Variants in CSPG4 observed in about 807,000 individuals in gnomAD.
CSPG4 encodes the protein chondroitin sulfate proteoglycan 4 (melanoma-associated).
Under a neutral mutation model 139.3 loss-of-function variants are expected in CSPG4, and 74 were observed. The observed-to-expected ratio is 0.53, with a 90% CI of 0.44 to 0.64. CSPG4 has a LOEUF of 0.64. Ranked by LOEUF, CSPG4 falls within the 30% of genes least tolerant of loss-of-function variation. CSPG4 has a pLI of 0.00. For synonymous variants in CSPG4, 1,234 were observed against 1,394.2 expected (o/e 0.89, Z 2.56); for missense variants, 2,565 against 3,148.3 (o/e 0.81, Z 4.43).
rs1048155895 is a variant in CSPG4, at chr15:75,704,525, G to GT, written c.88+8142dup. On this transcript the variant is annotated intron_variant, in intron 1 of 9. Coordinates refer to ENST00000308508, the MANE Select transcript of CSPG4 (RefSeq NM_001897.5). ...ACCTGGATTCCATTAAAACATGTGG[G>GT]TGGGGGGCCTGGCCGGGCCCTGTCC... 1.1e-4 allele frequency among the ~76,000 whole-genome samples: 17 copies of GT among 152,220 alleles called. 1 individual carries two copies. The highest frequency in any genetic ancestry group is 3.2e-3 in the Middle Eastern group (1 of 316).
chr15:75,709,572 T>C (rs1894418313), intron 1 of CSPG4, among the ~76,000 whole-genome samples: 1 of 152,188 alleles, frequency 6.6e-6, no homozygotes, highest in African/African-American at 2.4e-5. Flanking sequence ...AGCCACCTCG[T>C]CCAGGTCTGT....
chr15:75,712,887 C>G (rs966240407), upstream of CSPG4: 10 of 692,852 alleles, frequency 1.4e-5, no homozygotes, highest in African/African-American at 1.3e-4. Context: ...ACTCCGGGGG[C>G]GGGGCAGGCG....
At position 75,712,832 on chromosome 15, in the gene CSPG4, G is replaced by C. The variant is rs937950472; in HGVS notation, c.-77C>G. The C allele has an allele frequency of 9.3e-6, 12 of 1,292,512 alleles. No individual in the cohort carries two copies. The South Asian group carries it at 1.8e-4, about 20-fold the overall frequency. The allele number at this position is 1,292,512 out of a possible 1,614,324, so 80.1% of individuals were successfully genotyped here. ...CTGGGAGCTGAGTGGAGCGAGCGCG[G>C]CTCTGCTCCTGGGCGCGGGCCGGCT... On this transcript the variant is annotated 5_prime_UTR_variant, in exon 1 of 10. Coordinates refer to ENST00000308508, the MANE Select transcript of CSPG4 (RefSeq NM_001897.5).
chr15:75,684,113 G>A (rs1193822381), intron 5 of CSPG4, among the ~76,000 whole-genome samples: 1 of 151,792 alleles, frequency 6.6e-6, no homozygotes, highest in African/African-American at 2.4e-5. Flanking sequence ...CTGCTGACCG[G>A]GGAGGATGCA....
At chr15:75,699,927 C>G (rs2141436502) in intron 1 of CSPG4, among the ~76,000 whole-genome samples, 2 of 152,254 alleles carry the variant, frequency 1.3e-5, no homozygotes, top group Middle Eastern at 3.4e-3. Context: ...CCCTAGAGGA[C>G]CTGGGACCCT....
In CSPG4 at chr15:75,675,761, C is replaced by T; in HGVS notation, c.6758G>A (p.Gly2253Asp). ...AGTCAGGACCTGGACGTCATGCTTG[C>T]CCGTCTTGTTGCGTTTTCGGAGGTA... Reference protein sequence around the residue: ...LFYLRKRNKTGKHDVQVLTAK... With the variant: ...LFYLRKRNKTDKHDVQVLTAK... The change falls in exon 10 of 10, where the codon GGC becomes GAC. Residue 2253 changes from glycine to aspartate, a missense_variant. Coordinates refer to ENST00000308508, the MANE Select transcript of CSPG4 (RefSeq NM_001897.5). 1 of 1,611,954 alleles carries T rather than the reference C, an allele frequency of 6.2e-7. No homozygotes were observed.
chr15:75,690,679 A>G lies in CSPG4; in HGVS notation c.386T>C (p.Leu129Pro). 1 of 1,612,900 alleles carries G rather than the reference A, an allele frequency of 6.2e-7. No homozygotes were observed. The highest frequency in any genetic ancestry group is 8.5e-7 in the Non-Finnish European group (1 of 1,180,030). ...TCCTGGGACTGCTGAGGAGGCGTTCAGAAACCCATCGACTGACAACGTGGC... is the reference window on the plus strand; with the variant it reads ...TCCTGGGACTGCTGAGGAGGCGTTCGGAAACCCATCGACTGACAACGTGGC... ...GWATLSVDGF[L>P]NASSAVPGAP... Residue 129 changes from leucine (L) to proline (P), a missense_variant, in exon 3 of 10, where the codon CTG (leucine) becomes CCG (proline). By Grantham distance (98) the Leu-to-Pro change is moderately conservative. Transcript: ENST00000308508.
intron 8 of CSPG4, among the ~76,000 whole-genome samples, chr15:75,681,412 C>A (rs1211561271): frequency 6.6e-6 from 1 of 152,166 alleles, no homozygotes; most frequent in East Asian, 1.9e-4. Context: ...GCAGGGGGAC[C>A]CCTCAGGAGG....
chr15:75,693,612 G>A (rs1417536572), intron 1 of CSPG4, among the ~76,000 whole-genome samples: 1 of 152,226 alleles, frequency 6.6e-6, no homozygotes, highest in Non-Finnish European at 1.5e-5. Context: ...AAAGGGAACC[G>A]CAACTGGCCT....
chr15:75,690,281 C>T lies in CSPG4; in HGVS notation c.784G>A (p.Ala262Thr). 1 of 1,613,168 alleles carries T rather than the reference C, an allele frequency of 6.2e-7. No homozygotes were observed. Among genetic ancestry groups the T allele is most frequent in the Non-Finnish European group, 8.5e-7 (1 of 1,179,780 alleles). Reference sequence around the variant, plus strand: ...GTACCCTGGCCCTTCTCCACCACGGCCCGCAGGTGGCCCTCAAATATGTCC... The same window carrying T: ...GTACCCTGGCCCTTCTCCACCACGGTCCGCAGGTGGCCCTCAAATATGTCC... ...YVDIFEGHLR[A>T]VVEKGQGTVL... is the part of the protein sequence containing the mutation. The change falls in exon 3 of 10, where the codon GCC (alanine) becomes ACC (threonine). Residue 262 changes from alanine to threonine, a missense_variant. Physicochemically the swap from Ala to Thr is moderately conservative, Grantham distance 58 (BLOSUM62 0). Coordinates refer to ENST00000308508, the MANE Select transcript of CSPG4 (RefSeq NM_001897.5).
chr15:75,695,490 G>A (rs1050852084), intron 1 of CSPG4, among the ~76,000 whole-genome samples: 3 of 152,120 alleles, frequency 2.0e-5, no homozygotes, highest in African/African-American at 4.8e-5. Flanking sequence ...CTGCTGGAGC[G>A]CGTGGCCAGG....
In CSPG4 at chr15:75,689,856, A is replaced by G. The variant is rs1894134586; in HGVS notation, c.1209T>C (p.Pro403=). The change falls in exon 3 of 10, where the codon CCT becomes CCC. Residue 403 remains proline (P), a synonymous_variant. Transcript: ENST00000308508. Reference sequence around the variant, plus strand: ...GCAGCTCCATGGCTGGCCAAGCCTCAGGGGCCAGGGTGGAGAAAGCTTCAT... The same window carrying G: ...GCAGCTCCATGGCTGGCCAAGCCTCGGGGGCCAGGGTGGAGAAAGCTTCAT... ...GHYEAFSTLA[P]EAWPAMELPE... 2.5e-6 allele frequency: 4 copies of G among 1,612,496 alleles called. No individual in the cohort carries two copies. Among genetic ancestry groups the G allele is most frequent in the Non-Finnish European group, 3.4e-6 (4 of 1,179,572 alleles).
At chr15:75,702,016 G>A (rs911207935) in intron 1 of CSPG4, among the ~76,000 whole-genome samples, 3 of 152,148 alleles carry the variant, frequency 2.0e-5, no homozygotes, top group African/African-American at 7.2e-5. Context: ...AAGGCGGCTG[G>A]CCACCGTCCT....
chr15:75,693,273 T>C (rs761342999), intron 1 of CSPG4, 40 bp from the exon 2 acceptor site: 17 of 1,452,114 alleles, frequency 1.2e-5, no homozygotes, highest in Non-Finnish European at 1.5e-5. Flanking sequence ...CTCAGACTCT[T>C]GCCTGGAGGA....
At chr15:75,682,118 T>G (rs1893981722) in intron 8 of CSPG4, among the ~76,000 whole-genome samples, 175 bp downstream of exon 8, 1 of 152,358 alleles carries the variant, frequency 6.6e-6, no homozygotes, top group East Asian at 1.9e-4. Context: ...GAACTTGCCC[T>G]GCCAGCCTGG....
rs1893878874 is a variant in CSPG4 at position 75,675,707 on chromosome 15, T to A, written c.6812A>T (p.Asp2271Val). 3 of 1,570,870 alleles carry A rather than the reference T, an allele frequency of 1.9e-6. No homozygotes were observed. Among genetic ancestry groups the A allele is most frequent in the Non-Finnish European group, 2.6e-6 (3 of 1,155,558 alleles). ...CTCCACCTTGCGAAAGGTCTCGGTG[T>A]CACCAGCCAGGCCGTTGCGGGGCTT... ...TAKPRNGLAG[D>V]TETFRKVEPG... The change falls in exon 10 of 10, where the codon GAC becomes GTC. Residue 2271 changes from aspartate to valine, a missense_variant. Physicochemically the swap from Asp to Val is radical, Grantham distance 152. This residue lies in a region of CSPG4 where 2,316 missense variants were observed against 2,818.2 expected (regional missense o/e 0.82). Coordinates refer to ENST00000308508, the MANE Select transcript of CSPG4 (RefSeq NM_001897.5).
rs1894189999 is a variant in CSPG4, at chr15:75,693,338, G to A, written c.89-105C>T. On this transcript the variant is annotated intron_variant, in intron 1 of 9. Coordinates refer to ENST00000308508, the MANE Select transcript of CSPG4 (RefSeq NM_001897.5). ...GTTGCAGAAAGGGGTCCGTGCTGGC[G>A]CACCCTCATGGTTCTGCTGTATGGT... 1.1e-5 allele frequency: 12 copies of A among 1,132,192 alleles called. No homozygotes were observed. The East Asian group carries it at 2.3e-4, about 22-fold the overall frequency. The allele number at this position is 1,132,192 out of a possible 1,614,324, so 70.1% of individuals were successfully genotyped here. A position where few individuals can be genotyped will look rare whatever the true frequency, so the allele number is the denominator to read the frequency against.
Position 75,685,284 on chromosome 15 carries a change from G to A in CSPG4, c.4207C>T (p.His1403Tyr). ...CCGTCCTCCTTCTGCAGGGCTCCAT[G>A]CTGGGGTGGCTCCAGCACCTGCAGG... ...LSLQVLEPPQ[H>Y]GALQKEDGPQ... The change falls in exon 4 of 10, where the codon CAT becomes TAT. Residue 1403 changes from histidine to tyrosine, a missense_variant. By Grantham distance (83) the His-to-Tyr change is moderately conservative. Coordinates refer to ENST00000308508, the MANE Select transcript of CSPG4 (RefSeq NM_001897.5). 6.3e-7 allele frequency: 1 copy of A among 1,576,482 alleles called. No homozygotes were observed. The highest frequency in any genetic ancestry group is 2.2e-4 in the Middle Eastern group (1 of 4,632).
At chr15:75,709,593 G>A (rs1355165412) in intron 1 of CSPG4, among the ~76,000 whole-genome samples, 1 of 152,208 alleles carries the variant, frequency 6.6e-6, no homozygotes, top group Non-Finnish European at 1.5e-5. Flanking sequence ...GAGAGTGGCC[G>A]TGTGCAAGTG....
Sources: allele counts gnomAD v4.1 joint callset (sites outside exome capture counted in the v4.1 genomes callset), GRCh38; gene constraint gnomAD v4.1.1; regional missense constraint gnomAD v4.1.1; transcripts MANE v1.5; gene names NCBI Gene and HGNC (gene_info 2026-07-23, HGNC 2026-07-21).